LUC7L2: variants seen among roughly 807,000 people sequenced by gnomAD.
LUC7L2 encodes the protein LUC7 like 2, pre-mRNA splicing factor, also known as putative RNA-binding protein Luc7-like 2.
Under a neutral mutation model 52.8 loss-of-function variants are expected in LUC7L2, and 25 were observed. The ratio of observed to expected loss-of-function variants is 0.47; its 90% confidence interval spans 0.34 to 0.66. The LOEUF (loss-of-function observed/expected upper bound fraction) is 0.66, where lower values mean the gene tolerates loss of function less well. LUC7L2 is among the 30% of genes least tolerant of loss of function. The probability of loss-of-function intolerance (pLI) is 0.01; values close to 1 mark genes in which losing one functional copy is unlikely to be tolerated. For missense variants in LUC7L2, 328 were observed against 497.8 expected (o/e 0.66, Z 3.25); for synonymous variants, 144 against 160.9 (o/e 0.89, Z 0.80).
At chr7:139,341,664 C>A in intron 1 of LUC7L2, 2 of 1,410,304 alleles carry the variant, frequency 1.4e-6, no homozygotes, top group South Asian at 2.9e-5. Context: ...ACCAAACCAA[C>A]CCAGGCCCTA....
chr7:139,389,930 G>C (rs1399957451), intron 2 of LUC7L2, among the ~76,000 whole-genome samples: 1 of 152,184 alleles, frequency 6.6e-6, no homozygotes, highest in Non-Finnish European at 1.5e-5. Flanking sequence ...CAGAAGTTCA[G>C]CTGGCGCAGG....
intron 2 of LUC7L2, among the ~76,000 whole-genome samples, chr7:139,394,463 A>T: frequency 6.6e-6 from 1 of 152,208 alleles, no homozygotes; most frequent in East Asian, 1.9e-4. Context: ...CTTAGTCTAC[A>T]TAGTTGCTTT....
At chr7:139,422,096 T>C in intron 9 of LUC7L2, 67 bp from the exon 10 acceptor site, 1 of 1,527,654 alleles carries the variant, frequency 6.5e-7, no homozygotes, top group Non-Finnish European at 8.7e-7. Flanking sequence ...TTAATATTTA[T>C]CCTATTCTTT....
At chr7:139,374,566 A>G (rs1800612829) in intron 1 of LUC7L2, 2 of 1,545,948 alleles carry the variant, frequency 1.3e-6, no homozygotes, top group Admixed American at 2.0e-5. Context: ...AACTTTTATT[A>G]TAGTAGCAGG....
Position 139,423,008 on chromosome 7 carries a change from G to A in LUC7L2, c.*668G>A. ...AACGTCTTGATTTTTCTGTTCTGTT[G>A]AATTGCTATGTTCAGGATGTTCTAG... On this transcript the variant is annotated 3_prime_UTR_variant, in exon 10 of 10. Transcript: ENST00000354926. 2.5e-6 allele frequency: 1 copy of A among 398,484 alleles called. No homozygotes were observed. Among genetic ancestry groups the A allele is most frequent in the Non-Finnish European group, 4.4e-6 (1 of 225,956 alleles). The allele number at this position is 398,484 out of a possible 1,614,324, so 24.7% of individuals were successfully genotyped here.
intron 1 of LUC7L2, among the ~76,000 whole-genome samples, chr7:139,368,070 A>G (rs1420195841): frequency 2.6e-5 from 4 of 152,184 alleles, no homozygotes; most frequent in African/African-American, 9.7e-5. Flanking sequence ...TCCTGTTACA[A>G]TTTAATTTAC....
chr7:139,420,158 C>G (rs1795824273), intron 9 of LUC7L2, among the ~76,000 whole-genome samples: 1 of 152,202 alleles, frequency 6.6e-6, no homozygotes, highest in Non-Finnish European at 1.5e-5. Flanking sequence ...ATGTTTAGTG[C>G]AGACTCCAAA....
In LUC7L2 at chr7:139,360,102, C is replaced by A. The variant is rs924273419; in HGVS notation, c.-160C>A. 85 of 585,782 alleles carry A rather than the reference C, an allele frequency of 1.5e-4. No homozygotes were observed. Among genetic ancestry groups the A allele is most frequent in the Non-Finnish European group, 2.2e-4 (72 of 332,896 alleles). The allele number at this position is 585,782 out of a possible 1,614,324, so 36.3% of individuals were successfully genotyped here. A position where few individuals can be genotyped will look rare whatever the true frequency, so the allele number is the denominator to read the frequency against. ...GTCGTCGTGAGGAGCGCAGTCCGGA[C>A]TCTTCCCGCAACCCCTCCGGCTCCC... On this transcript the variant is annotated 5_prime_UTR_variant, in exon 1 of 10. Transcript: ENST00000354926.
chr7:139,383,846 G>C (rs1393326742), intron 2 of LUC7L2, among the ~76,000 whole-genome samples: 1 of 149,816 alleles, frequency 6.7e-6, no homozygotes, highest in Non-Finnish European at 1.5e-5. Context: ...TGATTCTCCT[G>C]CCTCAGCCTC....
At chr7:139,347,963 A>G (rs138341434) in intron 1 of LUC7L2, among the ~76,000 whole-genome samples, 33 of 152,222 alleles carry the variant, frequency 2.2e-4, no homozygotes, top group African/African-American at 7.7e-4. Context: ...GCCTCTCAAA[A>G]TGTAGGGATT....
chr7:139,409,447 A>T, intron 6 of LUC7L2, 116 bp from the exon 7 acceptor site: 1 of 1,234,188 alleles, frequency 8.1e-7, no homozygotes, highest in East Asian at 3.0e-5. Context: ...TTGAATTATT[A>T]AACAGATTTT....
At chr7:139,371,847 G>A (rs1253175357) in intron 1 of LUC7L2, among the ~76,000 whole-genome samples, 2 of 152,208 alleles carry the variant, frequency 1.3e-5, no homozygotes, top group South Asian at 2.1e-4. Flanking sequence ...ACTGCCTTAG[G>A]CTCTGATACA....
intron 9 of LUC7L2, among the ~76,000 whole-genome samples, chr7:139,421,215 C>T (rs1417591104): frequency 6.6e-6 from 1 of 152,148 alleles, no homozygotes; most frequent in Non-Finnish European, 1.5e-5. Flanking sequence ...ACTGAACAGT[C>T]ATATTTTTTA....
intron 1 of LUC7L2, among the ~76,000 whole-genome samples, chr7:139,370,919 G>C (rs977864129): frequency 2.0e-4 from 30 of 152,018 alleles, no homozygotes; most frequent in African/African-American, 6.1e-4. Flanking sequence ...TCTGCATTTA[G>C]GGATTCAAGG....
chr7:139,387,020 A>G (rs1569379650), intron 2 of LUC7L2, among the ~76,000 whole-genome samples: 2 of 151,826 alleles, frequency 1.3e-5, no homozygotes, highest in Non-Finnish European at 2.9e-5. Flanking sequence ...TTGTATTTGT[A>G]GTAGAGACAG....
chr7:139,347,767 A>G (rs1799317654), intron 1 of LUC7L2, among the ~76,000 whole-genome samples: 1 of 152,112 alleles, frequency 6.6e-6, no homozygotes, highest in Non-Finnish European at 1.5e-5. Context: ...GCTGGAATAC[A>G]GTGGAGTAAT....
At chr7:139,387,014 A>G (rs113685191) in intron 2 of LUC7L2, among the ~76,000 whole-genome samples, 29,239 of 151,406 alleles carry the variant, frequency 0.19, 2,932 homozygotes, top group Middle Eastern at 0.31. Context: ...AATTTTTTGT[A>G]TTTGTAGTAG....
At chr7:139,416,573 G>A (rs1383959349) in intron 8 of LUC7L2, 1 of 152,080 alleles carries the variant, frequency 6.6e-6, no homozygotes, top group Admixed American at 6.6e-5. Context: ...GCTCTCTATT[G>A]CCCAGGCTGG....
At chr7:139,389,051 A>T (rs1287978753) in intron 2 of LUC7L2, among the ~76,000 whole-genome samples, 2 of 145,046 alleles carry the variant, frequency 1.4e-5, no homozygotes, top group African/African-American at 5.0e-5. Flanking sequence ...TTTTTAAATG[A>T]TTTTTTTTTT....
Sources: gnomAD v4.1 joint callset for allele counts (sites outside exome capture counted in the v4.1 genomes callset) on GRCh38, gnomAD v4.1.1 for gene constraint, MANE v1.5 for transcripts, NCBI Gene and HGNC (gene_info 2026-07-23, HGNC 2026-07-21) for gene names.